MARCO: variants seen among roughly 807,000 people sequenced by gnomAD.
MARCO encodes the protein macrophage receptor MARCO.
Under a neutral mutation model 70.0 loss-of-function variants are expected in MARCO, and 72 were observed. The ratio of observed to expected loss-of-function variants is 1.03; its 90% CI spans 0.85 to 1.25. MARCO has a LOEUF of 1.25. Among genes scored for constraint, MARCO ranks in the 50% most tolerant of loss-of-function variants. MARCO has a pLI of 0.00. For synonymous variants in MARCO, 273 were observed against 243.1 expected, an observed-to-expected ratio of 1.12 and a Z score of -1.14; for missense variants, 696 against 659.3, an observed-to-expected ratio of 1.06 and a Z score of -0.61.
At chr2:118,951,898 CCTCTTT>C in intron 1 of MARCO, among the ~76,000 whole-genome samples, 1 of 151,686 alleles carries the variant, frequency 6.6e-6, no homozygotes. Flanking sequence ...TCTCTTTCTT[CCTCTTT>C]CTCTTTGACT....
At chr2:118,958,851 C>A (rs1679886710) in intron 1 of MARCO, among the ~76,000 whole-genome samples, 1 of 150,710 alleles carries the variant, frequency 6.6e-6, no homozygotes. Context: ...GAAATAAACC[C>A]AAATACTTAA....
chr2:118,980,125 A>T (rs1471663767), intron 8 of MARCO, among the ~76,000 whole-genome samples: 1 of 152,228 alleles, frequency 6.6e-6, no homozygotes, highest in African/African-American at 2.4e-5. Context: ...GCAATGCTGT[A>T]ACTTGATGGT....
chr2:118,988,005 C>T (rs1440090503), intron 12 of MARCO, among the ~76,000 whole-genome samples: 1 of 152,200 alleles, frequency 6.6e-6, no homozygotes, highest in African/African-American at 2.4e-5. Flanking sequence ...GCCCCAACTT[C>T]CCCCATTCAC....
chr2:118,981,759 AC>A, intron 10 of MARCO, 103 bp downstream of exon 10: 1 of 1,174,514 alleles, frequency 8.5e-7, no homozygotes. Context: ...TGTAGTATTC[AC>A]CCAGAACACC....
chr2:118,989,373 C>G (rs2104609928), intron 12 of MARCO, among the ~76,000 whole-genome samples: 1 of 152,288 alleles, frequency 6.6e-6, no homozygotes. Context: ...ACACGAGGAA[C>G]AGAAGTAGCT....
In MARCO at chr2:118,981,669, G is replaced by A; in HGVS notation, c.901+13G>A. On this transcript the variant is annotated intron_variant, in intron 10 of 16. Coordinates refer to ENST00000327097, the MANE Select transcript of MARCO (RefSeq NM_006770.4). ...AAAGGAGATCAAGGTAAGAACTACA[G>A]GAATCTGGGCATCATCCCAGCTACG... is the stretch of plus-strand genomic sequence containing the variant. 1 of 1,613,060 alleles carries A rather than the reference G, an allele frequency of 6.2e-7. No individual in the cohort carries two copies. The highest frequency in any genetic ancestry group is 1.7e-5 in the Admixed American group (1 of 59,954).
intron 7 of MARCO, 145 bp downstream of exon 7, chr2:118,977,660 C>T (rs1680311209): frequency 1.3e-6 from 1 of 767,000 alleles, no homozygotes; most frequent in Non-Finnish European, 2.1e-6. Flanking sequence ...TCTCTTGAGT[C>T]CTGTCACATT....
At chr2:118,976,009 G>A (rs1680275978) in intron 6 of MARCO, among the ~76,000 whole-genome samples, 1 of 152,120 alleles carries the variant, frequency 6.6e-6, no homozygotes, top group African/African-American at 2.4e-5. Flanking sequence ...TTTCCTCCGA[G>A]AGAGAGGGAC....
intron 15 of MARCO, chr2:118,992,916 C>A (rs1680649375): frequency 5.5e-6 from 3 of 543,440 alleles, no homozygotes; most frequent in East Asian, 2.9e-5. Context: ...CCCCTGTGGC[C>A]TTGTGCCTGC....
intron 2 of MARCO, among the ~76,000 whole-genome samples, chr2:118,969,543 G>T (rs1680121543): frequency 6.6e-6 from 1 of 152,198 alleles, no homozygotes; most frequent in Non-Finnish European, 1.5e-5. Flanking sequence ...TCACACGGGG[G>T]ATGACACACA....
At chr2:118,994,285 G>C in intron 16 of MARCO, 102 bp from the exon 17 acceptor site, 8 of 1,292,020 alleles carry the variant, frequency 6.2e-6, no homozygotes, top group Non-Finnish European at 8.9e-6. Context: ...TGAGAAGTCG[G>C]CAGTCCACCT....
chr2:118,992,964 T>G, intron 15 of MARCO, 160 bp from the exon 16 acceptor site: 1 of 668,690 alleles, frequency 1.5e-6, no homozygotes, highest in Admixed American at 2.9e-5. Flanking sequence ...CCAGGTTGGG[T>G]TGGCACTGTA....
At position 118,971,596 on chromosome 2, in the gene MARCO, C is replaced by T. The variant is rs10181173; in HGVS notation, c.460+62C>T. ...CCCCAAAACCTCCCCAAAAGGGCCC[C>T]TTGGCCTGTGCCATTCTGGGTCTGG... On this transcript the variant is annotated intron_variant, in intron 4 of 16. Coordinates refer to ENST00000327097, the MANE Select transcript of MARCO (RefSeq NM_006770.4). 16,079 of 1,570,622 alleles carry T rather than the reference C, an allele frequency of 0.01. 1,380 individuals carry two copies. The African/African-American group carries it at 0.19, about 19-fold the overall frequency.
At chr2:118,992,990 G>A (rs1573413145) in intron 15 of MARCO, 134 bp from the exon 16 acceptor site, 3 of 816,424 alleles carry the variant, frequency 3.7e-6, no homozygotes, top group Non-Finnish European at 5.8e-6. Flanking sequence ...GGATCTTCCA[G>A]GCTCTGGTGA....
intron 4 of MARCO, among the ~76,000 whole-genome samples, chr2:118,972,014 C>T (rs1317458036): frequency 1.3e-5 from 2 of 152,214 alleles, no homozygotes; most frequent in African/African-American, 4.8e-5. Flanking sequence ...GATCTGAGTT[C>T]TAATCCTGGG....
At chr2:118,965,719 T>C (rs1421453036) in intron 1 of MARCO, among the ~76,000 whole-genome samples, 1 of 152,208 alleles carries the variant, frequency 6.6e-6, no homozygotes, top group Non-Finnish European at 1.5e-5. Flanking sequence ...TTTAGGTTTA[T>C]TATGTAGGTT....
intron 8 of MARCO, among the ~76,000 whole-genome samples, chr2:118,979,018 A>G (rs191218630): frequency 2.0e-4 from 31 of 152,284 alleles, no homozygotes; most frequent in Non-Finnish European, 1.9e-4. Flanking sequence ...AAGGGAGCTA[A>G]TAATAATACA....
intron 1 of MARCO, among the ~76,000 whole-genome samples, chr2:118,964,839 G>A (rs1010596315): frequency 6.8e-6 from 1 of 148,036 alleles, no homozygotes; most frequent in Non-Finnish European, 1.5e-5. Flanking sequence ...AGCGAGCAGA[G>A]ATCATGCCAG....
chr2:118,976,042 A>AC (rs1458397339), intron 6 of MARCO, among the ~76,000 whole-genome samples: 2 of 152,060 alleles, frequency 1.3e-5, no homozygotes, highest in East Asian at 3.9e-4. Flanking sequence ...ACTGAAACTC[A>AC]CCAGAGTGGA....
Sources: gnomAD v4.1 joint callset for allele counts (sites outside exome capture counted in the v4.1 genomes callset) on GRCh38, gnomAD v4.1.1 for gene constraint, MANE v1.5 for transcripts, NCBI Gene and HGNC (gene_info 2026-07-23, HGNC 2026-07-21) for gene names.